The following FAM151B variants were observed in gnomAD, a reference collection of about 807,000 sequenced individuals.
FAM151B encodes protein FAM151B.
A neutral mutation model predicts 31.2 loss-of-function variants in FAM151B; 24 were observed. That is an observed-to-expected ratio of 0.77 (90% CI 0.56 to 1.08). The LOEUF is 1.08. FAM151B is among the 50% of genes least tolerant of loss of function. The pLI is 0.00. For synonymous variants in FAM151B, 105 were observed against 111.4 expected (o/e 0.94, Z 0.36); for missense variants, 293 against 328.6 (o/e 0.89, Z 0.84).
At chr5:80,528,006 C>A (rs964502082) in intron 5 of FAM151B, among the ~76,000 whole-genome samples, 1 of 152,014 alleles carries the variant, frequency 6.6e-6, no homozygotes, top group African/African-American at 2.4e-5. Flanking sequence ...ATTCTATAAG[C>A]TTTTTTCAAT....
chr5:80,500,644 C>T, intron 1 of FAM151B: 1 of 766,092 alleles, frequency 1.3e-6, no homozygotes, highest in Non-Finnish European at 2.4e-6. Flanking sequence ...GCCCAAAGGT[C>T]CGAAAGGTGT....
intron 5 of FAM151B, among the ~76,000 whole-genome samples, chr5:80,531,439 G>A (rs1311475927): frequency 6.6e-6 from 1 of 152,148 alleles, no homozygotes. Flanking sequence ...TACCATCAGA[G>A]TGAACAGGCA....
intron 1 of FAM151B, among the ~76,000 whole-genome samples, chr5:80,491,903 T>A (rs1743346800): frequency 6.6e-6 from 1 of 152,212 alleles, no homozygotes; most frequent in Non-Finnish European, 1.5e-5. Flanking sequence ...CATATCTTAG[T>A]GGTCAGCAAA....
intron 3 of FAM151B, among the ~76,000 whole-genome samples, chr5:80,518,394 T>A (rs1417516177): frequency 6.6e-6 from 1 of 152,080 alleles, no homozygotes; most frequent in Non-Finnish European, 1.5e-5. Context: ...AGCTTTGGAG[T>A]CACAGGTACA....
chr5:80,510,869 A>G (rs892076526), intron 2 of FAM151B: 2 of 152,232 alleles, frequency 1.3e-5, no homozygotes, highest in African/African-American at 2.4e-5. Context: ...CTGCATTTGC[A>G]TGAAGAAGCC....
intron 5 of FAM151B, among the ~76,000 whole-genome samples, chr5:80,525,979 A>T (rs1489207625): frequency 2.6e-5 from 4 of 151,910 alleles, no homozygotes; most frequent in Non-Finnish European, 4.4e-5. Context: ...TATATATATA[A>T]AATGCATATA....
chr5:80,507,644 G>C (rs1221677122), intron 2 of FAM151B, among the ~76,000 whole-genome samples: 3 of 152,212 alleles, frequency 2.0e-5, no homozygotes, highest in Non-Finnish European at 4.4e-5. Flanking sequence ...TCATGCCACT[G>C]CATTCCAGCC....
intron 1 of FAM151B, among the ~76,000 whole-genome samples, chr5:80,492,963 A>G (rs533319722): frequency 3.3e-5 from 5 of 152,326 alleles, no homozygotes; most frequent in Admixed American, 2.0e-4. Context: ...TAAAAAAAAC[A>G]AAAACAAAAT....
chr5:80,504,572 G>A (rs1232221607), intron 2 of FAM151B, among the ~76,000 whole-genome samples: 1 of 135,560 alleles, frequency 7.4e-6, no homozygotes, highest in African/African-American at 2.8e-5. Context: ...CCAGGCTGGA[G>A]TGCAGTGGCA....
chr5:80,520,424 C>T (rs1176867752), intron 4 of FAM151B, among the ~76,000 whole-genome samples: 2 of 151,854 alleles, frequency 1.3e-5, no homozygotes, highest in East Asian at 1.9e-4. Context: ...GTGGGCGGAT[C>T]ACCTGAAGTC....
intron 1 of FAM151B, chr5:80,498,789 T>G: frequency 1.9e-6 from 1 of 521,250 alleles, no homozygotes; most frequent in Non-Finnish European, 3.7e-6. Context: ...CAACCCAAGA[T>G]GAAGAGTAGA....
chr5:80,515,705 T>C (rs1744409977), intron 3 of FAM151B, among the ~76,000 whole-genome samples: 1 of 152,242 alleles, frequency 6.6e-6, no homozygotes, highest in African/African-American at 2.4e-5. Flanking sequence ...CTAATAGGTA[T>C]GTGAACACCT....
chr5:80,538,448 C>CTCTTTCTTTCTTTCTTTCTTTCTT lies in FAM151B; in HGVS notation c.672-3210_672-3187dup, dbSNP rs776089650. ...TCTTTCTTTCTTTCTTTCTTTCTTT[C>CTCTTTCTTTCTTTCTTTCTTTCTT]TCTTTCTTTCTTTCTTTCTTTCTTT... On this transcript the variant is annotated intron_variant, in intron 5 of 5. Coordinates refer to ENST00000282226, the MANE Select transcript of FAM151B (RefSeq NM_205548.3). 4.1e-5 allele frequency among the ~76,000 whole-genome samples: 2 copies of CTCTTTCTTTCTTTCTTTCTTTCTT among 49,348 alleles called. 1 individual carries two copies. The highest frequency in any genetic ancestry group is 7.4e-5 in the Non-Finnish European group (2 of 26,956). 32.4% of individuals were successfully genotyped at this position (49,348 alleles called of 152,430 possible). A position where few individuals can be genotyped will look rare whatever the true frequency, so the allele number is the denominator to read the frequency against.
At chr5:80,534,199 G>A (rs1164817183) in intron 5 of FAM151B, among the ~76,000 whole-genome samples, 1 of 151,898 alleles carries the variant, frequency 6.6e-6, no homozygotes, top group Non-Finnish European at 1.5e-5. Context: ...ACTAACACCA[G>A]TCCTATTCAA....
intron 2 of FAM151B, among the ~76,000 whole-genome samples, chr5:80,511,435 CAAAAAA>C (rs57587683): frequency 3.7e-4 from 20 of 54,090 alleles, no homozygotes; most frequent in East Asian, 5.9e-4. Flanking sequence ...GACTCTGTCT[CAAAAAA>C]AAAAAAAAAA....
At chr5:80,519,621 C>T in intron 3 of FAM151B, 72 bp from the exon 4 acceptor site, 1 of 1,233,736 alleles carries the variant, frequency 8.1e-7, no homozygotes. Flanking sequence ...ACATTGAGAC[C>T]ACTAGTCTAA....
chr5:80,538,417 T>G, intron 5 of FAM151B, among the ~76,000 whole-genome samples: 1 of 54,188 alleles, frequency 1.8e-5, no homozygotes, highest in Non-Finnish European at 3.3e-5. Flanking sequence ...TCTTTCTTTC[T>G]TTCTTTCTTT....
Position 80,522,168 on chromosome 5 carries a change from G to A in FAM151B, c.671+30G>A, listed in dbSNP as rs769311999. The A allele has an allele frequency of 4.4e-6, 7 of 1,584,922 alleles. No individual in the cohort carries two copies. In the South Asian group the frequency reaches 7.9e-5, roughly 18 times the overall value. On this transcript the variant is annotated intron_variant, in intron 5 of 5. Transcript: ENST00000282226. ...GTAATAGTTTAACAAATGTGTATGT[G>A]AGTGTGTATGAGAGACAGAGATAGA... is the stretch of plus-strand genomic sequence containing the variant.
intron 5 of FAM151B, among the ~76,000 whole-genome samples, chr5:80,523,248 G>A (rs1023898460): frequency 6.6e-6 from 1 of 152,148 alleles, no homozygotes; most frequent in Admixed American, 6.5e-5. Context: ...AAAATGGAAA[G>A]CAACTAGTAA....
Sources: gnomAD v4.1 joint callset for allele counts (sites outside exome capture counted in the v4.1 genomes callset) on GRCh38, gnomAD v4.1.1 for gene constraint, MANE v1.5 for transcripts, NCBI Gene and HGNC (gene_info 2026-07-23, HGNC 2026-07-21) for gene names.